AUH: variants seen among roughly 807,000 people sequenced by gnomAD.
AUH encodes the protein methylglutaconyl-CoA hydratase, mitochondrial.
Under a neutral mutation model 42.3 loss-of-function variants are expected in AUH, and 29 were observed. The observed-to-expected ratio is 0.69, with a 90% CI of 0.51 to 0.93. The LOEUF is 0.93. Ranked by LOEUF, AUH falls within the 40% of genes least tolerant of loss-of-function variation. The pLI is 0.00. For synonymous variants in AUH, 174 were observed against 166.4 expected, an observed-to-expected ratio of 1.05 and a Z score of -0.35; for missense variants, 452 against 438.1, an observed-to-expected ratio of 1.03 and a Z score of -0.28.
chr9:91,286,742 A>G (rs1220907740), intron 6 of AUH, among the ~76,000 whole-genome samples: 1 of 151,224 alleles, frequency 6.6e-6, no homozygotes, highest in East Asian at 2.0e-4. Flanking sequence ...AAAAAAATCT[A>G]TCTATCTACC....
At chr9:91,348,835 T>C (rs1831734850) in intron 3 of AUH, among the ~76,000 whole-genome samples, 1 of 152,226 alleles carries the variant, frequency 6.6e-6, no homozygotes, top group African/African-American at 2.4e-5. Flanking sequence ...ATGGTTTAAA[T>C]ACCTGTCAAA....
intron 6 of AUH, among the ~76,000 whole-genome samples, chr9:91,257,233 T>C (rs1829451982): frequency 6.6e-6 from 1 of 151,950 alleles, no homozygotes; most frequent in Non-Finnish European, 1.5e-5. Flanking sequence ...CCAGCCATTA[T>C]TTGGAAACAG....
intron 6 of AUH, among the ~76,000 whole-genome samples, chr9:91,270,543 G>A (rs898784380): frequency 6.6e-6 from 1 of 152,124 alleles, no homozygotes; most frequent in Admixed American, 6.5e-5. Context: ...GTCTTCAGAT[G>A]AATTTAGGTT....
intron 6 of AUH, among the ~76,000 whole-genome samples, chr9:91,270,020 G>A (rs1296643508): frequency 6.6e-6 from 1 of 152,150 alleles, no homozygotes; most frequent in East Asian, 1.9e-4. Flanking sequence ...ACTCTATCAA[G>A]TGAGCCAGAA....
chr9:91,251,901 T>TG (rs1328832235), intron 6 of AUH, among the ~76,000 whole-genome samples: 5 of 152,234 alleles, frequency 3.3e-5, no homozygotes, highest in African/African-American at 1.2e-4. Flanking sequence ...GAGCTCCAGA[T>TG]GCTGTTGACA....
rs867201395 is a variant in AUH at position 91,226,185 on chromosome 9, C to T, written c.656-5193G>A. The stretch of plus-strand genomic sequence containing the variant: ...CCCACCAACAGTGTAAAAGTGTTCC[C>T]ATTTCTCCACATCCTCTCCAGCACC... On this transcript the variant is annotated intron_variant, in intron 6 of 9. Transcript: ENST00000375731. Among the ~76,000 whole-genome samples, 321 of 150,926 alleles carry T rather than the reference C, an allele frequency of 2.1e-3. 3 individuals carry two copies. The highest frequency in any genetic ancestry group is 7.3e-3 in the African/African-American group (297 of 40,748).
chr9:91,322,834 C>T (rs1829686028), intron 4 of AUH, among the ~76,000 whole-genome samples: 1 of 152,114 alleles, frequency 6.6e-6, no homozygotes, highest in Non-Finnish European at 1.5e-5. Context: ...ACCACAATGA[C>T]CAGACAGAGC....
At chr9:91,304,641 T>C (rs1828070566) in intron 4 of AUH, among the ~76,000 whole-genome samples, 1 of 151,952 alleles carries the variant, frequency 6.6e-6, no homozygotes, top group Non-Finnish European at 1.5e-5. Context: ...ACAAGAAAAA[T>C]GGGATACTAA....
intron 6 of AUH, among the ~76,000 whole-genome samples, chr9:91,226,032 G>C (rs1216825898): frequency 1.4e-5 from 2 of 147,100 alleles, no homozygotes; most frequent in African/African-American, 2.5e-5. Flanking sequence ...TGTCTTTATA[G>C]CAGCATGATT....
chr9:91,216,012 T>C (rs772395804), intron 9 of AUH, 47 bp downstream of exon 9: 2 of 1,552,850 alleles, frequency 1.3e-6, no homozygotes, highest in Non-Finnish European at 1.8e-6. Context: ...AAGGTAAATA[T>C]AATTTGTAAG....
chr9:91,237,070 A>G (rs1033094619), intron 6 of AUH, among the ~76,000 whole-genome samples: 2 of 152,256 alleles, frequency 1.3e-5, no homozygotes, highest in African/African-American at 4.8e-5. Context: ...CAGAAAATGA[A>G]TCTATCAGCT....
At chr9:91,228,843 T>C (rs912848621) in intron 6 of AUH, among the ~76,000 whole-genome samples, 2 of 152,256 alleles carry the variant, frequency 1.3e-5, no homozygotes, top group African/African-American at 4.8e-5. Flanking sequence ...GGTTGTTCAG[T>C]TTCCATGTAG....
At chr9:91,313,443 C>T (rs1387420148) in intron 4 of AUH, among the ~76,000 whole-genome samples, 3 of 152,084 alleles carry the variant, frequency 2.0e-5, no homozygotes, top group Non-Finnish European at 2.9e-5. Context: ...CGGTGGCTCA[C>T]GCCTGTAATC....
intron 4 of AUH, among the ~76,000 whole-genome samples, chr9:91,306,741 T>A (rs942544670): frequency 6.6e-6 from 1 of 152,182 alleles, no homozygotes; most frequent in African/African-American, 2.4e-5. Flanking sequence ...AACTTGACAG[T>A]CTCACCATCC....
At position 91,278,303 on chromosome 9, in the gene AUH, C is replaced by G. The variant is rs762492203; in HGVS notation, c.655+17718G>C. Among the ~76,000 whole-genome samples the G allele has an allele frequency of 3.9e-5, 6 of 152,116 alleles. No homozygotes were observed. In the East Asian group the frequency reaches 1.2e-3, roughly 29 times the overall value. On this transcript the variant is annotated intron_variant, in intron 6 of 9. Transcript: ENST00000375731. ...ATTCTAGTTTCACAGTGTAATCTTA[C>G]GCGTAGCAAAAAGATTATTTTATAA... is the stretch of plus-strand genomic sequence containing the variant.
At chr9:91,225,319 T>C (rs1369461699) in intron 6 of AUH, among the ~76,000 whole-genome samples, 1 of 152,212 alleles carries the variant, frequency 6.6e-6, no homozygotes, top group Non-Finnish European at 1.5e-5. Context: ...AAGCTCCAAA[T>C]GTAAAGAGGA....
intron 6 of AUH, among the ~76,000 whole-genome samples, chr9:91,249,189 TG>T (rs1336302857): frequency 6.8e-6 from 1 of 146,382 alleles, no homozygotes; most frequent in Non-Finnish European, 1.5e-5. Context: ...CCCAGCTACT[TG>T]GGGGGCTAAG....
At chr9:91,238,620 G>T (rs1587667669) in intron 6 of AUH, among the ~76,000 whole-genome samples, 1 of 152,166 alleles carries the variant, frequency 6.6e-6, no homozygotes, top group Non-Finnish European at 1.5e-5. Context: ...ATAGAATAAA[G>T]ATATACTTGA....
chr9:91,219,366 T>TG (rs779888344), intron 7 of AUH, among the ~76,000 whole-genome samples: 4 of 152,214 alleles, frequency 2.6e-5, no homozygotes, highest in Non-Finnish European at 5.9e-5. Flanking sequence ...AACTGAGGTA[T>TG]GTTCTGGTCA....
Sources: gnomAD v4.1 joint callset for allele counts (sites outside exome capture counted in the v4.1 genomes callset) on GRCh38, gnomAD v4.1.1 for gene constraint, MANE v1.5 for transcripts, NCBI Gene and HGNC (gene_info 2026-07-23, HGNC 2026-07-21) for gene names.